The following MAP1B variants were observed in gnomAD, a reference collection of about 807,000 sequenced individuals.
MAP1B encodes microtubule-associated protein 1B.
MAP1B carries 12 observed loss-of-function variants against 176.1 expected under a neutral mutation model. That is an observed-to-expected ratio of 0.07 (90% CI 0.04 to 0.11). MAP1B has a LOEUF of 0.11. MAP1B is among the 10% of genes least tolerant of loss of function. The pLI is 1.00. For missense variants in MAP1B, 2,523 were observed against 2,990.5 expected (o/e 0.84, Z 3.65); for synonymous variants, 1,044 against 1,135.0 (o/e 0.92, Z 1.61).
At position 72,205,568 on chromosome 5, in the gene MAP1B, C is replaced by T. The variant is rs373838750; in HGVS notation, c.*329C>T. On this transcript the variant is annotated 3_prime_UTR_variant, in exon 7 of 7. Transcript: ENST00000296755. The stretch of plus-strand genomic sequence containing the variant: ...GCATTTGTCTTAGAGAGAGAGAGAG[C>T]GCGGGAGAGAGTGAGAGAGAGTGAG... 6.3e-5 allele frequency: 13 copies of T among 204,762 alleles called. No homozygotes were observed. The highest frequency in any genetic ancestry group is 5.9e-4 in the East Asian group (5 of 8,480). The allele number at this position is 204,762 out of a possible 1,614,324, so 12.7% of individuals were successfully genotyped here. A position where few individuals can be genotyped will look rare whatever the true frequency, so the allele number is the denominator to read the frequency against.
At chr5:72,109,609 C>A (rs1171840809) in intron 1 of MAP1B, among the ~76,000 whole-genome samples, 1 of 152,152 alleles carries the variant, frequency 6.6e-6, no homozygotes, top group Non-Finnish European at 1.5e-5. Flanking sequence ...GATCATCAAC[C>A]CCGTTTTAGA....
intron 2 of MAP1B, among the ~76,000 whole-genome samples, chr5:72,148,871 C>T (rs56332339): frequency 0.011 from 1,707 of 152,336 alleles, 25 homozygotes; most frequent in African/African-American, 0.039. Flanking sequence ...GGAGCATTCA[C>T]ATGGCTGATC....
chr5:72,110,889 C>A (rs1445090387), intron 1 of MAP1B, among the ~76,000 whole-genome samples: 1 of 152,178 alleles, frequency 6.6e-6, no homozygotes, highest in African/African-American at 2.4e-5. Context: ...AATGTGGATG[C>A]TTCGTAAATG....
chr5:72,123,142 A>T (rs1282247891), intron 2 of MAP1B, among the ~76,000 whole-genome samples: 1 of 152,158 alleles, frequency 6.6e-6, no homozygotes, highest in African/African-American at 2.4e-5. Flanking sequence ...GTGCCAAGTA[A>T]TGTTTTTGAG....
At position 72,197,607 on chromosome 5, in the gene MAP1B, G is replaced by A. The variant is rs1343799491; in HGVS notation, c.4252G>A (p.Asp1418Asn). The change falls in exon 5 of 7, where the codon GAC (aspartate) becomes AAC (asparagine). Residue 1418 changes from aspartate to asparagine, a missense_variant. By Grantham distance (23) the Asp-to-Asn change is conservative (BLOSUM62 1). This residue lies in a region of MAP1B where 1,925 missense variants were observed against 2,126.0 expected (regional missense o/e 0.91). Coordinates refer to ENST00000296755, the MANE Select transcript of MAP1B (RefSeq NM_005909.5). ...TTATGAAAGTTTTCTAAGTGCTGATGACAAGGCTTCTGGCAGAGGTGCCGA... is the reference window on the plus strand; with the variant it reads ...TTATGAAAGTTTTCTAAGTGCTGATAACAAGGCTTCTGGCAGAGGTGCCGA... The part of the protein sequence containing the change: ...SAYESFLSAD[D>N]KASGRGAESP... 1 of 1,614,078 alleles carries A rather than the reference G, an allele frequency of 6.2e-7. No individual in the cohort carries two copies. The highest frequency in any genetic ancestry group is 8.5e-7 in the Non-Finnish European group (1 of 1,180,052).
chr5:72,182,860 A>T (rs1746802027), intron 2 of MAP1B, among the ~76,000 whole-genome samples: 1 of 152,180 alleles, frequency 6.6e-6, no homozygotes, highest in Admixed American at 6.5e-5. Flanking sequence ...CTGCCCAAGC[A>T]TGTATCACCA....
chr5:72,144,864 G>A (rs976860962), intron 2 of MAP1B, among the ~76,000 whole-genome samples: 2 of 152,204 alleles, frequency 1.3e-5, no homozygotes, highest in African/African-American at 4.8e-5. Context: ...AGAAGAGGCT[G>A]CGTGGGAGAG....
chr5:72,193,335 A>C, intron 4 of MAP1B: 1 of 359,824 alleles, frequency 2.8e-6, no homozygotes, highest in Admixed American at 3.8e-5. Flanking sequence ...TAAGGTATCC[A>C]TCAGGCCTTT....
intron 1 of MAP1B, 139 bp downstream of exon 1, chr5:72,107,854 ACCCTT>A: frequency 1.2e-6 from 1 of 836,322 alleles, no homozygotes; most frequent in Non-Finnish European, 1.9e-6. Flanking sequence ...CTTGGTCCAG[ACCCTT>A]TCTGGGCTAA....
intron 4 of MAP1B, 141 bp from the exon 5 acceptor site, chr5:72,193,725 A>G: frequency 1.1e-6 from 1 of 920,970 alleles, no homozygotes; most frequent in Non-Finnish European, 1.6e-6. Flanking sequence ...AGCAACCAAC[A>G]TCACTATGAG....
Position 72,203,828 on chromosome 5 carries a change from C to T in MAP1B, c.7251+27C>T, listed in dbSNP as rs751920684. ...TGAGAACTCCTCGACAGTGTCTGCACTGCCGATTGAGCTGTGTCCAGAGGC... is the reference window on the plus strand; with the variant it reads ...TGAGAACTCCTCGACAGTGTCTGCATTGCCGATTGAGCTGTGTCCAGAGGC... On this transcript the variant is annotated intron_variant, in intron 6 of 6. Coordinates refer to ENST00000296755, the MANE Select transcript of MAP1B (RefSeq NM_005909.5). 5.6e-6 allele frequency: 9 copies of T among 1,599,042 alleles called. No individual in the cohort carries two copies. The South Asian group carries it at 9.9e-5, about 18-fold the overall frequency.
intron 2 of MAP1B, among the ~76,000 whole-genome samples, chr5:72,181,748 G>A (rs1219961990): frequency 6.7e-6 from 1 of 148,678 alleles, no homozygotes; most frequent in Non-Finnish European, 1.5e-5. Context: ...TTGAGACGGA[G>A]TCTCGCACTG....
chr5:72,135,011 C>A (rs1211554306), intron 2 of MAP1B, among the ~76,000 whole-genome samples: 1 of 150,824 alleles, frequency 6.6e-6, no homozygotes, highest in Non-Finnish European at 1.5e-5. Flanking sequence ...ATGCTTTGAG[C>A]CCAGAGCTGA....
At position 72,180,964 on chromosome 5, in the gene MAP1B, C is replaced by T. The variant is rs572606287; in HGVS notation, c.287-2779C>T. Among the ~76,000 whole-genome samples the T allele has an allele frequency of 5.9e-5, 9 of 152,270 alleles. No homozygotes were observed. The South Asian group carries it at 1.0e-3, about 18-fold the overall frequency. ...AGAAGGACTCTAGATCCAGGTGACC[C>T]GGGTCCAAATCCTGGCTTGACCACT... On this transcript the variant is annotated intron_variant, in intron 2 of 6. Coordinates refer to ENST00000296755, the MANE Select transcript of MAP1B (RefSeq NM_005909.5).
At chr5:72,134,464 A>G (rs1745793785) in intron 2 of MAP1B, among the ~76,000 whole-genome samples, 2 of 152,196 alleles carry the variant, frequency 1.3e-5, no homozygotes. Context: ...TTGCATGTCA[A>G]ACAGGGGATT....
chr5:72,155,858 T>G (rs964928207), intron 2 of MAP1B, among the ~76,000 whole-genome samples: 1 of 151,530 alleles, frequency 6.6e-6, no homozygotes, highest in Non-Finnish European at 1.5e-5. Context: ...TCTCTGCCTT[T>G]CAGGTTCAAG....
intron 4 of MAP1B, among the ~76,000 whole-genome samples, chr5:72,192,604 A>G (rs897316696): frequency 2.0e-5 from 3 of 152,214 alleles, no homozygotes; most frequent in Admixed American, 6.5e-5. Flanking sequence ...TAGTCAGGAG[A>G]TAGAGGAAAC....
rs1212388892 is a variant in MAP1B, at chr5:72,189,750, G to A, written c.510+2996G>A. Among the ~76,000 whole-genome samples the A allele has an allele frequency of 2.6e-5, 4 of 152,114 alleles. No homozygotes were observed. The East Asian group carries it at 7.7e-4, about 29-fold the overall frequency. On this transcript the variant is annotated intron_variant, in intron 4 of 6. Coordinates refer to ENST00000296755, the MANE Select transcript of MAP1B (RefSeq NM_005909.5). ...AAAAAATAAAATAAAAAGAAGAGGA[G>A]ATGGGATGGGTATGGGGGGAATTCA...
In MAP1B at chr5:72,205,047, G is replaced by A. The variant is rs745735025; in HGVS notation, c.7252-37G>A. 1.4e-5 allele frequency: 22 copies of A among 1,571,026 alleles called. No individual in the cohort carries two copies. In the South Asian group the frequency reaches 1.8e-4, roughly 13 times the overall value. On this transcript the variant is annotated intron_variant, in intron 6 of 6. Coordinates refer to ENST00000296755, the MANE Select transcript of MAP1B (RefSeq NM_005909.5). The stretch of plus-strand genomic sequence containing the variant: ...TTTTTTTCATATGGTTTCTGTTTCT[G>A]CCCTTAAATAGCTATTTTTTTTTTC...
Sources: allele counts gnomAD v4.1 joint callset (sites outside exome capture counted in the v4.1 genomes callset), GRCh38; gene constraint gnomAD v4.1.1; regional missense constraint gnomAD v4.1.1; transcripts MANE v1.5; gene names NCBI Gene and HGNC (gene_info 2026-07-23, HGNC 2026-07-21).